The following EPHA3 variants were observed in gnomAD, a reference collection of about 807,000 sequenced individuals.
EPHA3 encodes the protein ephrin type-A receptor 3.
In EPHA3, 42 loss-of-function variants were observed where a neutral mutation model predicts 107.1. That is an observed-to-expected ratio of 0.39 (90% CI 0.31 to 0.51). The LOEUF (loss-of-function observed/expected upper bound fraction) is 0.51. Ranked by LOEUF, EPHA3 falls within the 20% of genes least tolerant of loss-of-function variation. EPHA3 has a pLI of 0.78. For missense variants in EPHA3, 1,183 were observed against 1,211.2 expected, an observed-to-expected ratio of 0.98 and a Z score of 0.35; for synonymous variants, 461 against 424.8, an observed-to-expected ratio of 1.09 and a Z score of -1.05.
chr3:89,280,995 A>G (rs1262541038), intron 3 of EPHA3, among the ~76,000 whole-genome samples: 1 of 116,916 alleles, frequency 8.6e-6, no homozygotes, highest in Non-Finnish European at 1.9e-5. Context: ...TGAATCTTAC[A>G]AGATTTTTAT....
chr3:89,375,595 C>T (rs1448115660), intron 5 of EPHA3, among the ~76,000 whole-genome samples: 2 of 151,182 alleles, frequency 1.3e-5, no homozygotes, highest in Non-Finnish European at 1.5e-5. Flanking sequence ...AGAGCTGTTC[C>T]AAAGATGAGA....
intron 1 of EPHA3, among the ~76,000 whole-genome samples, chr3:89,125,281 G>T (rs1454190824): frequency 4.6e-5 from 7 of 151,658 alleles, no homozygotes; most frequent in Non-Finnish European, 1.0e-4. Context: ...TTTCTACTAT[G>T]CAAATCCCAT....
rs776562611 is a variant in EPHA3, at chr3:89,330,393, T to C, written c.815-10523T>C. ...ATATTATGTGATAATAAAAATCCAA[T>C]GTATAAATTATATATCATAGGTTTT... On this transcript the variant is annotated intron_variant, in intron 3 of 16. Transcript: ENST00000336596. 1.3e-3 allele frequency among the ~76,000 whole-genome samples: 191 copies of C among 152,192 alleles called. 1 individual carries two copies. The highest frequency in any genetic ancestry group is 4.7e-4 in the Non-Finnish European group (32 of 67,988).
intron 1 of EPHA3, among the ~76,000 whole-genome samples, chr3:89,118,537 G>A (rs958724620): frequency 7.9e-5 from 12 of 151,742 alleles, no homozygotes; most frequent in Non-Finnish European, 1.6e-4. Flanking sequence ...TTTTATGTTT[G>A]GCCAGGTGTG....
At chr3:89,439,593 T>A (rs765753690) in intron 13 of EPHA3, among the ~76,000 whole-genome samples, 1 of 152,108 alleles carries the variant, frequency 6.6e-6, no homozygotes, top group Non-Finnish European at 1.5e-5. Context: ...AATTTCAGAC[T>A]TTGAAATGAA....
intron 2 of EPHA3, among the ~76,000 whole-genome samples, chr3:89,173,474 TA>T (rs2107102765): frequency 6.6e-6 from 1 of 152,212 alleles, no homozygotes; most frequent in African/African-American, 2.4e-5. Flanking sequence ...TAGATACTGT[TA>T]TTTTTCCAAC....
chr3:89,177,762 GT>G (rs2107112169), intron 2 of EPHA3, among the ~76,000 whole-genome samples: 1 of 152,234 alleles, frequency 6.6e-6, no homozygotes, highest in Admixed American at 6.5e-5. Flanking sequence ...TTCAACTGTA[GT>G]CCTGACAACA....
chr3:89,261,445 T>C lies in EPHA3; in HGVS notation c.814+50925T>C, dbSNP rs563784215. 1.4e-3 allele frequency among the ~76,000 whole-genome samples: 209 copies of C among 152,284 alleles called. 1 individual carries two copies. Among genetic ancestry groups the C allele is most frequent in the Middle Eastern group, 3.4e-3 (1 of 294 alleles). On this transcript the variant is annotated intron_variant, in intron 3 of 16. Transcript: ENST00000336596. The stretch of plus-strand genomic sequence containing the variant: ...ATACACTTTTACTTGTTCTTCTCCA[T>C]GCGGACCTTGCTTAGAACTTGTTAT...
At chr3:89,109,593 A>G (rs536787977) in intron 1 of EPHA3, among the ~76,000 whole-genome samples, 2 of 151,314 alleles carry the variant, frequency 1.3e-5, no homozygotes, top group Non-Finnish European at 3.0e-5. Context: ...ACTGCAAGAG[A>G]AAAAAAAAGA....
chr3:89,293,928 A>C lies in EPHA3; in HGVS notation c.815-46988A>C, dbSNP rs570183606. On this transcript the variant is annotated intron_variant, in intron 3 of 16. Coordinates refer to ENST00000336596, the MANE Select transcript of EPHA3 (RefSeq NM_005233.6). ...GCAATCACAAAAATATATTTAAATGAATGAGTATGGCTATGTTCTAATAAT... is the reference window on the plus strand; with the variant it reads ...GCAATCACAAAAATATATTTAAATGCATGAGTATGGCTATGTTCTAATAAT... Among the ~76,000 whole-genome samples the C allele has an allele frequency of 1.4e-4, 21 of 152,322 alleles. No individual in the cohort carries two copies. The East Asian group carries it at 4.0e-3, about 29-fold the overall frequency.
intron 3 of EPHA3, among the ~76,000 whole-genome samples, chr3:89,284,160 T>A (rs557354684): frequency 6.6e-6 from 1 of 152,192 alleles, no homozygotes; most frequent in East Asian, 1.9e-4. Flanking sequence ...GAATGTGTTC[T>A]GGATTATGTA....
intron 1 of EPHA3, among the ~76,000 whole-genome samples, chr3:89,115,993 A>G (rs1303663262): frequency 3.3e-5 from 5 of 152,206 alleles, no homozygotes; most frequent in Admixed American, 3.3e-4. Context: ...TGAAAAATTG[A>G]AGAAAACCAT....
At chr3:89,417,743 G>T (rs1709276823) in intron 10 of EPHA3, among the ~76,000 whole-genome samples, 1 of 151,324 alleles carries the variant, frequency 6.6e-6, no homozygotes, top group Non-Finnish European at 1.5e-5. Flanking sequence ...TCCTCAAAGG[G>T]AATAAACTAG....
intron 5 of EPHA3, among the ~76,000 whole-genome samples, chr3:89,382,458 A>G (rs1387883164): frequency 1.3e-5 from 2 of 151,528 alleles, no homozygotes; most frequent in African/African-American, 4.9e-5. Flanking sequence ...CTATGAGCTA[A>G]GATCGCACCA....
chr3:89,420,907 A>G (rs1709341568), intron 11 of EPHA3, among the ~76,000 whole-genome samples: 1 of 151,404 alleles, frequency 6.6e-6, no homozygotes, highest in African/African-American at 2.4e-5. Context: ...CTATGACATT[A>G]TTTCATTCTT....
At chr3:89,302,622 T>G (rs961407378) in intron 3 of EPHA3, among the ~76,000 whole-genome samples, 2 of 152,246 alleles carry the variant, frequency 1.3e-5, no homozygotes, top group Non-Finnish European at 2.9e-5. Context: ...TGACTGCTTA[T>G]TTTTCTAATA....
intron 3 of EPHA3, among the ~76,000 whole-genome samples, chr3:89,285,146 AT>A (rs1273077702): frequency 1.3e-5 from 2 of 152,156 alleles, no homozygotes; most frequent in African/African-American, 4.8e-5. Flanking sequence ...CAATAAAAAA[AT>A]AAAAATATGT....
intron 2 of EPHA3, among the ~76,000 whole-genome samples, chr3:89,141,259 T>A (rs1285018754): frequency 6.6e-6 from 1 of 151,504 alleles, no homozygotes; most frequent in African/African-American, 2.4e-5. Context: ...TGTTATGAAG[T>A]CTGGGAATTA....
chr3:89,447,503 G>A (rs1438896869), intron 13 of EPHA3, among the ~76,000 whole-genome samples: 1 of 152,096 alleles, frequency 6.6e-6, no homozygotes, highest in East Asian at 1.9e-4. Context: ...TACTGAGTTA[G>A]TTCCAATCTT....
Sources: gnomAD v4.1 joint callset for allele counts (sites outside exome capture counted in the v4.1 genomes callset) on GRCh38, gnomAD v4.1.1 for gene constraint, MANE v1.5 for transcripts, NCBI Gene and HGNC (gene_info 2026-07-23, HGNC 2026-07-21) for gene names.